Variants in ELMO1 observed in about 807,000 individuals in gnomAD.
The protein encoded by ELMO1 is engulfment and cell motility protein 1.
ELMO1 carries 26 observed loss-of-function variants against 98.9 expected under a neutral mutation model. The observed-to-expected ratio is 0.26, with a 90% CI of 0.19 to 0.36. The LOEUF (loss-of-function observed/expected upper bound fraction) is 0.36, where lower values mean the gene tolerates loss of function less well. Among genes scored for constraint, ELMO1 ranks in the 10% least tolerant of loss-of-function variants. ELMO1 has a pLI of 1.00. For missense variants in ELMO1, 627 were observed against 935.2 expected, an observed-to-expected ratio of 0.67 and a Z score of 4.30; for synonymous variants, 346 against 346.0, an observed-to-expected ratio of 1.00 and a Z score of 0.00.
In ELMO1 at chr7:37,416,246, A is replaced by G. The variant is rs574813217; in HGVS notation, c.-74+32429T>C. Among the ~76,000 whole-genome samples the G allele has an allele frequency of 1.3e-3, 202 of 152,370 alleles. 1 individual carries two copies. The highest frequency in any genetic ancestry group is 4.2e-3 in the African/African-American group (173 of 41,588). ...ACTGTCAGGAAAACTGACAATACGA[A>G]GTTCACAAAGACGAAGCAGGGAAGA... On this transcript the variant is annotated intron_variant, in intron 1 of 21. Transcript: ENST00000310758.
Position 36,853,292 on chromosome 7 carries a change from T to C in ELMO1, c.*2259A>G, listed in dbSNP as rs1246291726. ...TCTATTAAATGCACCAAAGCTGGAGTGCCAGAAGAGAGAGGGGCTGGATCT... is the reference window on the plus strand; with the variant it reads ...TCTATTAAATGCACCAAAGCTGGAGCGCCAGAAGAGAGAGGGGCTGGATCT... On this transcript the variant is annotated 3_prime_UTR_variant, in exon 22 of 22. Transcript: ENST00000310758. Among the ~76,000 whole-genome samples, 2 of 152,100 alleles carry C rather than the reference T, an allele frequency of 1.3e-5. No individual in the cohort carries two copies. Among genetic ancestry groups the C allele is most frequent in the Non-Finnish European group, 2.9e-5 (2 of 68,028 alleles).
At chr7:37,269,091 T>C (rs1464101932) in intron 5 of ELMO1, among the ~76,000 whole-genome samples, 1 of 152,266 alleles carries the variant, frequency 6.6e-6, no homozygotes, top group East Asian at 1.9e-4. Context: ...TGTTGTTGTT[T>C]TTAACATATT....
chr7:37,118,142 C>T (rs983065813), intron 14 of ELMO1, among the ~76,000 whole-genome samples: 2 of 152,160 alleles, frequency 1.3e-5, no homozygotes, highest in Non-Finnish European at 2.9e-5. Flanking sequence ...CCAAATTCCC[C>T]CTTGAAATGT....
At chr7:37,068,286 C>A (rs550749675) in intron 15 of ELMO1, among the ~76,000 whole-genome samples, 3 of 152,314 alleles carry the variant, frequency 2.0e-5, no homozygotes, top group Non-Finnish European at 4.4e-5. Context: ...AGTAAGTTAG[C>A]AAGTGAGAGT....
chr7:37,003,714 A>G (rs955534773), intron 16 of ELMO1, among the ~76,000 whole-genome samples: 3 of 152,252 alleles, frequency 2.0e-5, no homozygotes, highest in Non-Finnish European at 2.9e-5. Flanking sequence ...TGATTTAGTC[A>G]TTAAATATAT....
intron 4 of ELMO1, among the ~76,000 whole-genome samples, chr7:37,280,618 T>C (rs1212788206): frequency 6.6e-6 from 1 of 151,978 alleles, no homozygotes; most frequent in Non-Finnish European, 1.5e-5. Flanking sequence ...TCCCTAATGA[T>C]CAGGGAAATG....
chr7:37,247,612 C>G (rs1384191457), intron 6 of ELMO1, among the ~76,000 whole-genome samples: 2 of 152,196 alleles, frequency 1.3e-5, no homozygotes, highest in African/African-American at 4.8e-5. Context: ...TACCCTTTAA[C>G]AAACCCAAAT....
At position 36,855,873 on chromosome 7, in the gene ELMO1, T is replaced by C. The variant is rs1802161740; in HGVS notation, c.1984-122A>G. ...GCTGTGCGCTAAGGGCTCTGCCTAC[T>C]TCGTCATTTCATATTTGGCGACATC... On this transcript the variant is annotated intron_variant, in intron 21 of 21. Coordinates refer to ENST00000310758, the MANE Select transcript of ELMO1 (RefSeq NM_014800.11). The surrounding 1 kb of genome is among the most constrained non-coding windows in gnomAD (Gnocchi z 4.2). The C allele has an allele frequency of 9.1e-7, 1 of 1,103,036 alleles. No homozygotes were observed. Among genetic ancestry groups the C allele is most frequent in the Non-Finnish European group, 1.3e-6 (1 of 759,476 alleles). The allele number at this position is 1,103,036 out of a possible 1,614,324, so 68.3% of individuals were successfully genotyped here. A position where few individuals can be genotyped will look rare whatever the true frequency, so the allele number is the denominator to read the frequency against.
At chr7:37,028,995 T>C (rs1794735505) in intron 15 of ELMO1, among the ~76,000 whole-genome samples, 1 of 152,130 alleles carries the variant, frequency 6.6e-6, no homozygotes, top group Non-Finnish European at 1.5e-5. Context: ...GAACTCCCCA[T>C]AAGACAGGTT....
At chr7:37,268,973 T>C (rs1224649598) in intron 5 of ELMO1, among the ~76,000 whole-genome samples, 3 of 152,234 alleles carry the variant, frequency 2.0e-5, no homozygotes, top group Non-Finnish European at 4.4e-5. Flanking sequence ...CATGTGGATG[T>C]TGAGATGTCC....
At position 37,134,337 on chromosome 7, in the gene ELMO1, G is replaced by A. The variant is rs112795188; in HGVS notation, c.1087-1103C>T. Among the ~76,000 whole-genome samples the A allele has an allele frequency of 7.9e-3, 1,197 of 152,188 alleles. 15 individuals carry two copies. The highest frequency in any genetic ancestry group is 0.028 in the African/African-American group (1,144 of 41,516). On this transcript the variant is annotated intron_variant, in intron 13 of 21. Coordinates refer to ENST00000310758, the MANE Select transcript of ELMO1 (RefSeq NM_014800.11). The stretch of plus-strand genomic sequence containing the variant: ...CCTGTAGTCCATTTTGGGAGGCTGA[G>A]GCAGGTGGATTATGAGGTCAGGAGT...
At chr7:36,977,592 C>A (rs2129140667) in intron 16 of ELMO1, among the ~76,000 whole-genome samples, 1 of 152,334 alleles carries the variant, frequency 6.6e-6, no homozygotes, top group South Asian at 2.1e-4. Flanking sequence ...AGTTCAGAAA[C>A]TTTTGATAAA....
rs1044141550 is a variant in ELMO1 at position 36,855,896 on chromosome 7, A to C, written c.1984-145T>G. On this transcript the variant is annotated intron_variant, in intron 21 of 21. Transcript: ENST00000310758. The surrounding 1 kb of genome is among the most constrained non-coding windows in gnomAD (Gnocchi z 4.2). ...ACTTCGTCATTTCATATTTGGCGAC[A>C]TCTCAATATAAAGTCGATACTTCTG... The C allele has an allele frequency of 4.5e-6, 4 of 894,792 alleles. No homozygotes were observed. The African/African-American group carries it at 6.7e-5, about 15-fold the overall frequency. The allele number at this position is 894,792 out of a possible 1,614,324, so 55.4% of individuals were successfully genotyped here.
intron 2 of ELMO1, among the ~76,000 whole-genome samples, chr7:37,337,624 C>G (rs561717074): frequency 1.3e-5 from 2 of 151,788 alleles, no homozygotes; most frequent in South Asian, 4.2e-4. Flanking sequence ...TCTCTGCTAG[C>G]AGTAGAAAAA....
Position 36,872,763 on chromosome 7 carries a change from T to C in ELMO1, c.1823-2288A>G, listed in dbSNP as rs567593796. Among the ~76,000 whole-genome samples, 311 of 152,350 alleles carry C rather than the reference T, an allele frequency of 2.0e-3. 1 individual carries two copies. The highest frequency in any genetic ancestry group is 6.7e-3 in the African/African-American group (280 of 41,586). Reference sequence around the variant, plus strand: ...TGACTTTCCAATGGAAAACCCACCATTGAAGTGAATGTGATATAGTCAACA... The same window carrying C: ...TGACTTTCCAATGGAAAACCCACCACTGAAGTGAATGTGATATAGTCAACA... On this transcript the variant is annotated intron_variant, in intron 19 of 21. Coordinates refer to ENST00000310758, the MANE Select transcript of ELMO1 (RefSeq NM_014800.11).
At chr7:37,260,672 C>G (rs1401442670) in intron 5 of ELMO1, among the ~76,000 whole-genome samples, 1 of 152,114 alleles carries the variant, frequency 6.6e-6, no homozygotes, top group Admixed American at 6.5e-5. Flanking sequence ...GGGATAGAAC[C>G]CATGCCCCGA....
At chr7:37,047,981 C>T (rs1451516532) in intron 15 of ELMO1, among the ~76,000 whole-genome samples, 1 of 152,080 alleles carries the variant, frequency 6.6e-6, no homozygotes, top group Non-Finnish European at 1.5e-5. Context: ...CATGGTTTAT[C>T]TGAAAAATCA....
intron 14 of ELMO1, among the ~76,000 whole-genome samples, chr7:37,118,810 G>A (rs1458782031): frequency 6.6e-6 from 1 of 152,126 alleles, no homozygotes; most frequent in African/African-American, 2.4e-5. Flanking sequence ...GGGAGGGAGT[G>A]TAAGCCCTGA....
At chr7:37,242,094 CT>C (rs1440123880) in intron 7 of ELMO1, among the ~76,000 whole-genome samples, 1 of 152,096 alleles carries the variant, frequency 6.6e-6, no homozygotes, top group Non-Finnish European at 1.5e-5. Context: ...TTTTCCTCTC[CT>C]TTTGGGACTC....
Sources: gnomAD v4.1 joint callset for allele counts (sites outside exome capture counted in the v4.1 genomes callset) on GRCh38, gnomAD v4.1.1 for gene constraint, Gnocchi (gnomAD v3.1) non-coding constraint, MANE v1.5 for transcripts, NCBI Gene and HGNC (gene_info 2026-07-23, HGNC 2026-07-21) for gene names.